The following TRPM7 variants were observed in gnomAD, a reference collection of about 807,000 sequenced individuals.
TRPM7 encodes LTRPC ion channel family member 7.
TRPM7 carries 134 observed loss-of-function variants against 229.7 expected under a neutral mutation model. The observed-to-expected ratio is 0.58, with a 90% CI of 0.51 to 0.67. The LOEUF is 0.67. Ranked by LOEUF, TRPM7 falls within the 30% of genes least tolerant of loss-of-function variation. TRPM7 has a pLI of 0.00. For synonymous variants in TRPM7, 699 were observed against 715.2 expected (o/e 0.98, Z 0.36); for missense variants, 1,901 against 2,210.0 (o/e 0.86, Z 2.80).
intron 22 of TRPM7, among the ~76,000 whole-genome samples, chr15:50,597,191 C>CTTGTTTTT: frequency 6.6e-6 from 1 of 152,096 alleles, no homozygotes; most frequent in Non-Finnish European, 1.5e-5. Context: ...TTTTCATTAC[C>CTTGTTTTT]CCTAACTGAA....
intron 12 of TRPM7, 133 bp downstream of exon 12, chr15:50,624,033 G>C: frequency 1.1e-6 from 1 of 905,616 alleles, no homozygotes; most frequent in Non-Finnish European, 1.6e-6. Flanking sequence ...TCCATACTAA[G>C]ACTGGCTATA....
rs754654790 is a variant in TRPM7 at position 50,583,148 on chromosome 15, T to C, written c.4498A>G (p.Ser1500Gly). Reference sequence around the variant, plus strand: ...GTGTCTTCGGTAGATGGCCTTCTACTGATTTTTTCTGCTAAAAGAAAATTA... The same window carrying C: ...GTGTCTTCGGTAGATGGCCTTCTACCGATTTTTTCTGCTAAAAGAAAATTA... ...PVHSKQAEKISRRPSTEDTHE... is the reference protein window; with the variant it reads ...PVHSKQAEKIGRRPSTEDTHE... The change falls in exon 29 of 39, where the codon AGT (serine) becomes GGT (glycine). Residue 1500 changes from serine (S) to glycine (G), a missense_variant. This residue lies in a region of TRPM7 where 533 missense variants were observed against 497.1 expected (regional missense o/e 1.07). Transcript: ENST00000646667. 12 of 1,602,218 alleles carry C rather than the reference T, an allele frequency of 7.5e-6. No homozygotes were observed. Among genetic ancestry groups the C allele is most frequent in the African/African-American group, 1.3e-5 (1 of 74,162 alleles).
At chr15:50,575,667 TA>T in intron 33 of TRPM7, 56 bp downstream of exon 33, 4 of 1,456,160 alleles carry the variant, frequency 2.7e-6, no homozygotes, top group Admixed American at 1.9e-5. Context: ...ATATTATAGC[TA>T]AAAATCATTA....
intron 7 of TRPM7, 70 bp from the exon 8 acceptor site, chr15:50,634,626 T>C: frequency 8.4e-7 from 1 of 1,184,044 alleles, no homozygotes; most frequent in Non-Finnish European, 1.1e-6. Context: ...AAAAAAAAAT[T>C]AGGCAAAATT....
intron 7 of TRPM7, among the ~76,000 whole-genome samples, chr15:50,635,077 G>A (rs746367338): frequency 2.6e-5 from 4 of 151,074 alleles, no homozygotes; most frequent in Admixed American, 6.6e-5. Context: ...CAGCACTTTC[G>A]GAGACCAAGA....
intron 1 of TRPM7, among the ~76,000 whole-genome samples, chr15:50,675,085 G>A (rs1264463085): frequency 2.0e-5 from 3 of 152,194 alleles, no homozygotes; most frequent in Non-Finnish European, 4.4e-5. Flanking sequence ...GCTCATGCCT[G>A]TTATCCCAAC....
chr15:50,590,606 T>C (rs2059462160), intron 26 of TRPM7, among the ~76,000 whole-genome samples: 2 of 152,178 alleles, frequency 1.3e-5, no homozygotes, highest in Non-Finnish European at 2.9e-5. Context: ...ATATATGATA[T>C]ATACATACAC....
chr15:50,585,218 C>T (rs575320398), intron 28 of TRPM7, among the ~76,000 whole-genome samples: 241 of 152,108 alleles, frequency 1.6e-3, no homozygotes, highest in Middle Eastern at 6.8e-3. Flanking sequence ...CCCGCCACCG[C>T]GCCCGGCTAA....
chr15:50,639,144 T>C (rs569323568), intron 6 of TRPM7, among the ~76,000 whole-genome samples: 1 of 152,316 alleles, frequency 6.6e-6, no homozygotes, highest in East Asian at 1.9e-4. Context: ...AAAGACTAGC[T>C]TATATGGAAA....
At chr15:50,623,526 A>T (rs1406552824) in intron 12 of TRPM7, among the ~76,000 whole-genome samples, 1 of 148,648 alleles carries the variant, frequency 6.7e-6, no homozygotes, top group Non-Finnish European at 1.5e-5. Context: ...GGGGCAATAA[A>T]AAGGCCAAGT....
intron 2 of TRPM7, among the ~76,000 whole-genome samples, chr15:50,659,408 G>A (rs1287735163): frequency 1.3e-5 from 2 of 152,080 alleles, no homozygotes; most frequent in African/African-American, 4.8e-5. Flanking sequence ...GTACTGGAAA[G>A]GAGACTTTCA....
intron 29 of TRPM7, among the ~76,000 whole-genome samples, chr15:50,581,726 C>A (rs918223609): frequency 2.0e-5 from 3 of 151,854 alleles, no homozygotes; most frequent in African/African-American, 7.3e-5. Flanking sequence ...TCATTCTGCC[C>A]GAATTTGAAT....
chr15:50,631,509 T>C lies in TRPM7; in HGVS notation c.1132-20A>G. 1.3e-6 allele frequency: 2 copies of C among 1,512,002 alleles called. No individual in the cohort carries two copies. The highest frequency in any genetic ancestry group is 2.3e-5 in the South Asian group (2 of 87,726). 93.7% of individuals were successfully genotyped at this position (1,512,002 alleles called of 1,614,324 possible). A position where few individuals can be genotyped will look rare whatever the true frequency, so the allele number is the denominator to read the frequency against. On this transcript the variant is annotated intron_variant, in intron 9 of 38. Transcript: ENST00000646667. ...AGTGATCTATTTAAAGATAAATTTA[T>C]AACATTATGCCTTTATATTTTTAAA...
chr15:50,613,915 A>G, intron 14 of TRPM7, 74 bp from the exon 15 acceptor site: 1 of 1,532,142 alleles, frequency 6.5e-7, no homozygotes, highest in Non-Finnish European at 8.8e-7. Context: ...GAATCAATTT[A>G]TATATGTGTG....
chr15:50,643,622 G>T, intron 4 of TRPM7, 69 bp from the exon 5 acceptor site: 2 of 1,312,632 alleles, frequency 1.5e-6, no homozygotes, highest in South Asian at 1.3e-5. Context: ...GACATTATAT[G>T]ACTTTGGAAA....
intron 4 of TRPM7, among the ~76,000 whole-genome samples, chr15:50,644,252 A>G (rs2061193364): frequency 6.6e-6 from 1 of 151,946 alleles, no homozygotes; most frequent in South Asian, 2.1e-4. Context: ...CGTGTGTGAA[A>G]TAACTTCTTC....
intron 13 of TRPM7, among the ~76,000 whole-genome samples, chr15:50,616,759 C>T (rs899244040): frequency 3.3e-5 from 5 of 151,834 alleles, no homozygotes; most frequent in Non-Finnish European, 7.4e-5. Context: ...CAGCTTGCTG[C>T]AACCTCCGCT....
chr15:50,591,352 A>G (rs1332808045), intron 26 of TRPM7, among the ~76,000 whole-genome samples: 1 of 152,222 alleles, frequency 6.6e-6, no homozygotes, highest in African/African-American at 2.4e-5. Context: ...AGAATCACTT[A>G]GGTTTTCAAC....
intron 2 of TRPM7, among the ~76,000 whole-genome samples, chr15:50,659,176 G>A (rs2061664609): frequency 6.7e-6 from 1 of 148,716 alleles, no homozygotes; most frequent in East Asian, 2.0e-4. Context: ...CTGGATGACA[G>A]AGCGAGACTC....
Sources: gnomAD v4.1 joint callset for allele counts (sites outside exome capture counted in the v4.1 genomes callset) on GRCh38, gnomAD v4.1.1 for gene constraint, gnomAD v4.1.1 regional missense constraint, MANE v1.5 for transcripts, NCBI Gene and HGNC (gene_info 2026-07-23, HGNC 2026-07-21) for gene names.